LEMD1: variants seen among roughly 807,000 people sequenced by gnomAD.
LEMD1 encodes the protein LEM domain containing 1.
A neutral mutation model predicts 17.4 loss-of-function variants in LEMD1; 18 were observed. The ratio of observed to expected loss-of-function variants is 1.04; its 90% confidence interval spans 0.72 to 1.54. LEMD1 has a LOEUF of 1.54. Among genes scored for constraint, LEMD1 ranks in the 40% most tolerant of loss-of-function variants. The pLI, the probability that LEMD1 is intolerant of heterozygous loss-of-function variation, is 0.00. For missense variants in LEMD1, 195 were observed against 210.4 expected, an observed-to-expected ratio of 0.93 and a Z score of 0.45; for synonymous variants, 88 against 77.8, an observed-to-expected ratio of 1.13 and a Z score of -0.69.
At chr1:205,391,059 G>A (rs1001438674) in intron 4 of LEMD1, among the ~76,000 whole-genome samples, 1 of 151,850 alleles carries the variant, frequency 6.6e-6, no homozygotes, top group Non-Finnish European at 1.5e-5. Flanking sequence ...AGTACCCCCT[G>A]AATCTAAAAT....
At chr1:205,418,773 C>T (rs1175648776) in intron 3 of LEMD1, among the ~76,000 whole-genome samples, 43 of 152,320 alleles carry the variant, frequency 2.8e-4, no homozygotes, top group Non-Finnish European at 1.2e-4. Flanking sequence ...GCCTCGGCCT[C>T]CCAAAGTGCT....
intron 4 of LEMD1, among the ~76,000 whole-genome samples, chr1:205,413,018 G>A (rs1665521883): frequency 1.3e-5 from 2 of 152,182 alleles, no homozygotes; most frequent in Non-Finnish European, 2.9e-5. Flanking sequence ...AGAAATTTTG[G>A]TATGATATCA....
intron 4 of LEMD1, among the ~76,000 whole-genome samples, chr1:205,408,840 A>C (rs1482430003): frequency 6.7e-6 from 1 of 150,142 alleles, no homozygotes; most frequent in Admixed American, 6.7e-5. Flanking sequence ...CAAATACCGG[A>C]AGGGCACATG....
In LEMD1 at chr1:205,441,097, G is replaced by A. The variant is rs991592795; in HGVS notation, c.-39+8771C>T. On this transcript the variant is annotated intron_variant, in intron 1 of 3. Transcript: ENST00000367154. The surrounding 1 kb of genome is among the most constrained non-coding windows in gnomAD (Gnocchi z 4.3). ...AAGGCAGGGGAGGGAGAGGGGGCAGGAGAAAGGCAGGAAGAGAGAAGCAAG... is the reference window on the plus strand; with the variant it reads ...AAGGCAGGGGAGGGAGAGGGGGCAGAAGAAAGGCAGGAAGAGAGAAGCAAG... The A allele has an allele frequency of 1.3e-5, 2 of 152,938 alleles. No individual in the cohort carries two copies. The highest frequency in any genetic ancestry group is 2.9e-5 in the Non-Finnish European group (2 of 68,454). 9.5% of individuals were successfully genotyped at this position (152,938 alleles called of 1,614,324 possible).
chr1:205,420,755 A>T (rs374106685), intron 1 of LEMD1, among the ~76,000 whole-genome samples, 181 bp from the exon 2 acceptor site: 2 of 152,210 alleles, frequency 1.3e-5, no homozygotes, highest in African/African-American at 4.8e-5. Context: ...GTTGCCTCCA[A>T]TGTAAAACTT....
chr1:205,425,437 C>G (rs1666041774), upstream of LEMD1, among the ~76,000 whole-genome samples: 1 of 152,078 alleles, frequency 6.6e-6, no homozygotes, highest in Non-Finnish European at 1.5e-5. Flanking sequence ...CAGGAGGATG[C>G]CAACACCACA....
rs146845424 is a variant in LEMD1, at chr1:205,406,491, G to A, written c.270+9741C>T. ...TGCTAGCAATCAGCGAGACTCTGTGGGCGTAGGACCCTCACATCCAGGTGT... is the reference window on the plus strand; with the variant it reads ...TGCTAGCAATCAGCGAGACTCTGTGAGCGTAGGACCCTCACATCCAGGTGT... On this transcript the variant is annotated intron_variant, in intron 4 of 5. Transcript: ENST00000367153. Among the ~76,000 whole-genome samples, 1,181 of 152,330 alleles carry A rather than the reference G, an allele frequency of 7.8e-3. 8 individuals carry two copies. Among genetic ancestry groups the A allele is most frequent in the African/African-American group, 0.026 (1,088 of 41,590 alleles).
At chr1:205,389,479 C>T (rs1056159064) in intron 4 of LEMD1, among the ~76,000 whole-genome samples, 25 of 152,174 alleles carry the variant, frequency 1.6e-4, no homozygotes, top group Admixed American at 7.9e-4. Flanking sequence ...GCCAAAATTT[C>T]ACAGGCTGAC....
At chr1:205,425,482 G>C (rs536230680), upstream of LEMD1, among the ~76,000 whole-genome samples, 5 of 152,168 alleles carry the variant, frequency 3.3e-5, no homozygotes, top group African/African-American at 1.2e-4. Flanking sequence ...CAGAGCTCGT[G>C]AGCCAGGTCT....
At chr1:205,391,006 C>T (rs979127102) in intron 4 of LEMD1, among the ~76,000 whole-genome samples, 21 of 140,028 alleles carry the variant, frequency 1.5e-4, no homozygotes, top group African/African-American at 5.4e-4. Context: ...TTCTCAGCAC[C>T]GCACAATATA....
intron 5 of LEMD1, among the ~76,000 whole-genome samples, chr1:205,382,485 AC>A (rs1184873371): frequency 6.7e-6 from 1 of 149,026 alleles, no homozygotes; most frequent in African/African-American, 2.5e-5. Context: ...CTGGTCTCAA[AC>A]TCCTGGGCTC....
In LEMD1 at chr1:205,394,522, T is replaced by C. The variant is rs555284658; in HGVS notation, c.271-10158A>G. On this transcript the variant is annotated intron_variant, in intron 4 of 5. Transcript: ENST00000367153. Reference sequence around the variant, plus strand: ...GCCTCAGCCTCCCAAGTAGCTGGGATTACAGGTGCCCACCACCAAACCCAG... The same window carrying C: ...GCCTCAGCCTCCCAAGTAGCTGGGACTACAGGTGCCCACCACCAAACCCAG... 2.6e-5 allele frequency among the ~76,000 whole-genome samples: 4 copies of C among 152,096 alleles called. No homozygotes were observed. In the South Asian group the frequency reaches 8.3e-4, roughly 32 times the overall value.
chr1:205,403,538 G>A (rs1173742660), intron 4 of LEMD1, among the ~76,000 whole-genome samples: 9 of 151,252 alleles, frequency 6.0e-5, no homozygotes, highest in African/African-American at 1.5e-4. Context: ...CTGTGGGATC[G>A]GTGGTGATAT....
chr1:205,381,670 C>T lies in LEMD1; in HGVS notation c.534G>A (p.Ser178=), dbSNP rs752774592. 13 of 1,614,070 alleles carry T rather than the reference C, an allele frequency of 8.1e-6. No individual in the cohort carries two copies. The highest frequency in any genetic ancestry group is 4.4e-5 in the South Asian group (4 of 91,086). The change falls in exon 6 of 6, where the codon TCG becomes TCA. Residue 178 remains serine (S), a synonymous_variant. Coordinates refer to ENST00000367153, the MANE Select transcript of LEMD1 (RefSeq NM_001199050.2). ...VFVYLTVENK[S]LFG is the part of the protein sequence containing the mutation. ...GCTCCTAAATTACTTAACCAAACAG[C>T]GACTTATTTTCCACAGTCAGGTAGA... is the stretch of plus-strand genomic sequence containing the variant.
intron 4 of LEMD1, among the ~76,000 whole-genome samples, chr1:205,390,642 ATTG>A (rs1050806475): frequency 1.3e-5 from 2 of 152,230 alleles, no homozygotes; most frequent in Non-Finnish European, 2.9e-5. Flanking sequence ...CAAAGAGTTT[ATTG>A]TTGTAAAATC....
At chr1:205,439,019 G>A (rs1259432248) in intron 1 of LEMD1, among the ~76,000 whole-genome samples, 33 of 152,184 alleles carry the variant, frequency 2.2e-4, no homozygotes, top group Admixed American at 2.2e-3. Flanking sequence ...CTGAGTCTCC[G>A]GGGATACAAT....
In LEMD1 at chr1:205,408,502, C is replaced by CTT. The variant is rs573634699; in HGVS notation, c.270+7728_270+7729dup. ...TAACTTTTTCTTTCTTTCTTTCTTT[C>CTT]TTTTTTTTTTTTTTTTGAGACAGGA... is the stretch of plus-strand genomic sequence containing the variant. On this transcript the variant is annotated intron_variant, in intron 4 of 5. Transcript: ENST00000367153. Among the ~76,000 whole-genome samples, 301 of 136,866 alleles carry CTT rather than the reference C, an allele frequency of 2.2e-3. 1 individual carries two copies. Among genetic ancestry groups the CTT allele is most frequent in the African/African-American group, 3.5e-3 (129 of 36,722 alleles). The allele number at this position is 136,866 out of a possible 152,430, so 89.8% of individuals were successfully genotyped here. A position where few individuals can be genotyped will look rare whatever the true frequency, so the allele number is the denominator to read the frequency against.
At chr1:205,396,652 G>A (rs1249989442) in intron 4 of LEMD1, among the ~76,000 whole-genome samples, 1 of 152,188 alleles carries the variant, frequency 6.6e-6, no homozygotes, top group Non-Finnish European at 1.5e-5. Context: ...TAAGCTCACA[G>A]CATGATGCTG....
intron 4 of LEMD1, among the ~76,000 whole-genome samples, chr1:205,399,776 T>C (rs112068190): frequency 6.6e-6 from 1 of 152,346 alleles, no homozygotes; most frequent in African/African-American, 2.4e-5. Flanking sequence ...AAGAAATCAA[T>C]GAATTCATAC....
Sources: gnomAD v4.1 joint callset for allele counts (sites outside exome capture counted in the v4.1 genomes callset) on GRCh38, gnomAD v4.1.1 for gene constraint, Gnocchi (gnomAD v3.1) non-coding constraint, MANE v1.5 for transcripts, NCBI Gene and HGNC (gene_info 2026-07-23, HGNC 2026-07-21) for gene names.